The following IGF2BP3 variants were observed in gnomAD, a reference collection of about 807,000 sequenced individuals.
IGF2BP3 encodes insulin-like growth factor 2 mRNA-binding protein 3.
In IGF2BP3, 9 loss-of-function variants were observed where a neutral mutation model predicts 73.8. That is an observed-to-expected ratio of 0.12 (90% confidence interval 0.07 to 0.21). IGF2BP3 has a LOEUF of 0.21. IGF2BP3 is among the 10% of genes least tolerant of loss of function. The pLI is 1.00. For missense variants in IGF2BP3, 542 were observed against 714.0 expected (o/e 0.76, Z 2.75); for synonymous variants, 258 against 256.7 (o/e 1.01, Z -0.05).
chr7:23,460,279 G>A lies in IGF2BP3; in HGVS notation c.236+8203C>T, dbSNP rs547616387. Among the ~76,000 whole-genome samples the A allele has an allele frequency of 2.0e-5, 3 of 151,646 alleles. No homozygotes were observed. The South Asian group carries it at 6.3e-4, about 32-fold the overall frequency. ...CAACTGGCCAGGAGCGGTAGTCCCAGCACTTTGGGAGGCTGAGGTGGGCAG... is the reference window on the plus strand; with the variant it reads ...CAACTGGCCAGGAGCGGTAGTCCCAACACTTTGGGAGGCTGAGGTGGGCAG... On this transcript the variant is annotated intron_variant, in intron 2 of 14. Coordinates refer to ENST00000258729, the MANE Select transcript of IGF2BP3 (RefSeq NM_006547.3).
intron 5 of IGF2BP3, among the ~76,000 whole-genome samples, chr7:23,359,532 G>T (rs994883594): frequency 1.3e-5 from 2 of 152,138 alleles, no homozygotes; most frequent in Admixed American, 1.3e-4. Context: ...GCTCTACCAA[G>T]TATTCAGTAT....
At chr7:23,342,037 A>C in intron 10 of IGF2BP3, 27 bp downstream of exon 10, 1 of 1,531,168 alleles carries the variant, frequency 6.5e-7, no homozygotes, top group Middle Eastern at 2.4e-4. Flanking sequence ...GCCCAATCAC[A>C]AAGAAAGCCA....
intron 6 of IGF2BP3, among the ~76,000 whole-genome samples, chr7:23,350,722 G>A (rs545385867): frequency 8.5e-5 from 13 of 152,280 alleles, no homozygotes; most frequent in African/African-American, 3.1e-4. Flanking sequence ...AATAGTTCCC[G>A]CTTTCTGCTC....
chr7:23,317,488 A>T, intron 12 of IGF2BP3, 151 bp downstream of exon 12: 1 of 628,170 alleles, frequency 1.6e-6, no homozygotes, highest in Non-Finnish European at 2.9e-6. Context: ...TAATTTCGAA[A>T]TATAATTTTG....
intron 3 of IGF2BP3, among the ~76,000 whole-genome samples, chr7:23,370,331 T>C (rs372218868): frequency 6.6e-6 from 1 of 152,262 alleles, no homozygotes; most frequent in Non-Finnish European, 1.5e-5. Flanking sequence ...CTGACTTCCA[T>C]GCTTAAGCTG....
chr7:23,402,609 T>C (rs1786702808), intron 3 of IGF2BP3: 1 of 152,178 alleles, frequency 6.6e-6, no homozygotes, highest in African/African-American at 2.4e-5. Context: ...AAGAGTGAGA[T>C]GAAGATAGAG....
chr7:23,397,546 A>T (rs11972985), intron 3 of IGF2BP3, among the ~76,000 whole-genome samples: 4,190 of 152,134 alleles, frequency 0.028, 185 homozygotes, highest in African/African-American at 0.094. Context: ...TGCCTCCTTC[A>T]ACACCTAACT....
chr7:23,368,351 GAA>G (rs1248369531), intron 3 of IGF2BP3, among the ~76,000 whole-genome samples: 1 of 136,488 alleles, frequency 7.3e-6, no homozygotes, highest in African/African-American at 3.1e-5. Flanking sequence ...AAAAAAGAAA[GAA>G]AGAAAGAAAG....
chr7:23,459,015 C>T (rs1316427430), intron 2 of IGF2BP3, among the ~76,000 whole-genome samples: 3 of 152,220 alleles, frequency 2.0e-5, no homozygotes, highest in Non-Finnish European at 2.9e-5. Context: ...AGGCAGGTTG[C>T]TTCTCCCAGG....
At position 23,418,561 on chromosome 7, in the gene IGF2BP3, T is replaced by G. The variant is rs144972596; in HGVS notation, c.285+215A>C. ...AAGATTACCCAGTTACCCAAGAATA[T>G]ATTTCAATATTTGGTTTCTTATCCC... On this transcript the variant is annotated intron_variant, in intron 3 of 14. Transcript: ENST00000258729. Among the ~76,000 whole-genome samples, 39 of 152,296 alleles carry G rather than the reference T, an allele frequency of 2.6e-4. No individual in the cohort carries two copies. In the East Asian group the frequency reaches 6.9e-3, roughly 27 times the overall value.
chr7:23,389,101 C>A (rs1370387249), intron 3 of IGF2BP3, among the ~76,000 whole-genome samples: 1 of 150,780 alleles, frequency 6.6e-6, no homozygotes, highest in Non-Finnish European at 1.5e-5. Flanking sequence ...TTTAAAAAGA[C>A]CTACTAATTC....
chr7:23,431,476 T>C (rs1787675465), intron 2 of IGF2BP3, among the ~76,000 whole-genome samples: 1 of 152,052 alleles, frequency 6.6e-6, no homozygotes, highest in African/African-American at 2.4e-5. Context: ...AAACATAACT[T>C]AGGAGTAACA....
intron 3 of IGF2BP3, among the ~76,000 whole-genome samples, chr7:23,397,370 C>T (rs973729263): frequency 1.3e-5 from 2 of 152,156 alleles, no homozygotes; most frequent in Non-Finnish European, 1.5e-5. Context: ...GGCCTAAGGC[C>T]CAGGAGAGCA....
chr7:23,452,381 CAT>C (rs1244814709), intron 2 of IGF2BP3, among the ~76,000 whole-genome samples: 22 of 152,148 alleles, frequency 1.4e-4, no homozygotes, highest in Admixed American at 2.6e-4. Flanking sequence ...GGAAAAAACA[CAT>C]GTCTTTTTGC....
chr7:23,383,838 TG>T (rs1785992086), intron 3 of IGF2BP3, among the ~76,000 whole-genome samples: 1 of 152,100 alleles, frequency 6.6e-6, no homozygotes, highest in African/African-American at 2.4e-5. Context: ...GGCTCACACC[TG>T]TAATTCCAGC....
At chr7:23,388,326 C>T (rs1303814632) in intron 3 of IGF2BP3, among the ~76,000 whole-genome samples, 1 of 152,186 alleles carries the variant, frequency 6.6e-6, no homozygotes, top group Non-Finnish European at 1.5e-5. Context: ...GGAAGAAAAA[C>T]TTTCTCCTTT....
chr7:23,360,904 T>C (rs987584551), intron 5 of IGF2BP3, among the ~76,000 whole-genome samples: 3 of 152,204 alleles, frequency 2.0e-5, no homozygotes, highest in African/African-American at 7.2e-5. Flanking sequence ...AAAGGCCATA[T>C]TTGTGGGACC....
chr7:23,366,483 C>CT (rs1349342528), intron 3 of IGF2BP3, among the ~76,000 whole-genome samples: 10 of 149,188 alleles, frequency 6.7e-5, no homozygotes, highest in Admixed American at 4.0e-4. Context: ...ATCCTGTGCA[C>CT]TTTTTTTAAA....
chr7:23,311,367 C>G lies in IGF2BP3; in HGVS notation c.*995G>C, dbSNP rs1271518104. 6.6e-6 allele frequency: 1 copy of G among 151,808 alleles called. No homozygotes were observed. The highest frequency in any genetic ancestry group is 1.5e-5 in the Non-Finnish European group (1 of 67,918). The allele number at this position is 151,808 out of a possible 1,614,324, so 9.4% of individuals were successfully genotyped here. On this transcript the variant is annotated 3_prime_UTR_variant, in exon 15 of 15. Transcript: ENST00000258729. ...TGCACTTTCTTTAGGTATTGATAGT[C>G]AGAAGCACAAAGCATTTATTATGCA...
Sources: gnomAD v4.1 joint callset for allele counts (sites outside exome capture counted in the v4.1 genomes callset) on GRCh38, gnomAD v4.1.1 for gene constraint, MANE v1.5 for transcripts, NCBI Gene and HGNC (gene_info 2026-07-23, HGNC 2026-07-21) for gene names.